ABCC5: variants seen among roughly 807,000 people sequenced by gnomAD.
ABCC5 encodes ATP-binding cassette sub-family C member 5.
A neutral mutation model predicts 160.9 loss-of-function variants in ABCC5; 61 were observed. The observed-to-expected ratio is 0.38, with a 90% CI of 0.31 to 0.47. The LOEUF (loss-of-function observed/expected upper bound fraction) is 0.47, where lower values mean the gene tolerates loss of function less well. Among genes scored for constraint, ABCC5 ranks in the 20% least tolerant of loss-of-function variants. ABCC5 has a pLI of 0.99. For synonymous variants in ABCC5, 666 were observed against 700.6 expected (o/e 0.95, Z 0.78); for missense variants, 1,308 against 1,813.3 (o/e 0.72, Z 5.06).
intron 25 of ABCC5, among the ~76,000 whole-genome samples, chr3:183,939,234 ACCAACCTGG>A (rs1274694204): frequency 5.3e-5 from 8 of 152,186 alleles, no homozygotes; most frequent in Non-Finnish European, 1.2e-4. Flanking sequence ...GGAGTTCGAG[ACCAACCTGG>A]CCAACATGGT....
chr3:184,010,608 C>CTGGA (rs1227444926), intron 2 of ABCC5: 2 of 152,984 alleles, frequency 1.3e-5, no homozygotes, highest in African/African-American at 4.8e-5. Context: ...GCTCCACAGC[C>CTGGA]TCCACCTTCT....
intron 10 of ABCC5, among the ~76,000 whole-genome samples, chr3:183,974,042 G>A (rs1358076225): frequency 6.6e-6 from 1 of 152,166 alleles, no homozygotes; most frequent in Non-Finnish European, 1.5e-5. Flanking sequence ...CGTGCTAAGA[G>A]GCAGAGAAGG....
intron 11 of ABCC5, 124 bp downstream of exon 11, chr3:183,971,439 C>G: frequency 1.2e-6 from 1 of 855,936 alleles, no homozygotes; most frequent in South Asian, 1.7e-5. Context: ...CTAATTTGCT[C>G]TTTAGTTCAA....
chr3:183,985,234 G>A, intron 5 of ABCC5: 1 of 1,343,964 alleles, frequency 7.4e-7, no homozygotes, highest in Non-Finnish European at 1.1e-6. Context: ...CAAACTGGAA[G>A]AAAACTTGAG....
intron 18 of ABCC5, among the ~76,000 whole-genome samples, 177 bp from the exon 19 acceptor site, chr3:183,952,180 T>C (rs1309961352): frequency 2.8e-5 from 4 of 143,784 alleles, no homozygotes; most frequent in Non-Finnish European, 6.0e-5. Flanking sequence ...AGTGTCTCAC[T>C]CTGTCACCCA....
rs2108822049 is a variant in ABCC5, at chr3:183,963,905, C to T, written c.2032-317G>A. Among the ~76,000 whole-genome samples, 1 of 152,274 alleles carries T rather than the reference C, an allele frequency of 6.6e-6. No individual in the cohort carries two copies. The highest frequency in any genetic ancestry group is 2.1e-4 in the South Asian group (1 of 4,824). On this transcript the variant is annotated intron_variant, in intron 14 of 29. Coordinates refer to ENST00000334444, the MANE Select transcript of ABCC5 (RefSeq NM_005688.4). The surrounding 1 kb of genome is among the most constrained non-coding windows in gnomAD (Gnocchi z 4.6). ...ATGGCAGGAAGATCTTTCCAGAACA[C>T]AAAGCTGACCATCTCCCACCCTTGC... is the stretch of plus-strand genomic sequence containing the variant.
chr3:183,984,869 C>G (rs1560033569), intron 5 of ABCC5: 3 of 1,583,582 alleles, frequency 1.9e-6, no homozygotes, highest in Non-Finnish European at 2.6e-6. Context: ...CACCTCGGCA[C>G]TGATGGAGCA....
At chr3:183,996,699 AC>A (rs1449337139) in intron 2 of ABCC5, among the ~76,000 whole-genome samples, 2 of 152,008 alleles carry the variant, frequency 1.3e-5, no homozygotes, top group Non-Finnish European at 2.9e-5. Context: ...ATCCTAACAA[AC>A]CCCCATAAAA....
intron 26 of ABCC5, 93 bp downstream of exon 26, chr3:183,937,808 T>C (rs2108775283): frequency 7.2e-7 from 1 of 1,395,662 alleles, no homozygotes; most frequent in Non-Finnish European, 9.9e-7. Flanking sequence ...GGTGAGCTCA[T>C]GGTCCCAGGG....
rs532592867 is a variant in ABCC5, at chr3:183,973,277, T to C, written c.1405-1358A>G. Among the ~76,000 whole-genome samples, 25 of 151,616 alleles carry C rather than the reference T, an allele frequency of 1.6e-4. No homozygotes were observed. In the East Asian group the frequency reaches 4.5e-3, roughly 27 times the overall value. ...CACTATATTAGCCAGGATGTCTAGA[T>C]CTCCTGACCTCGTGATCCACCCGCC... On this transcript the variant is annotated intron_variant, in intron 10 of 29. Coordinates refer to ENST00000334444, the MANE Select transcript of ABCC5 (RefSeq NM_005688.4).
chr3:183,923,884 A>G (rs1712249793), intron 29 of ABCC5, among the ~76,000 whole-genome samples: 1 of 151,838 alleles, frequency 6.6e-6, no homozygotes, highest in African/African-American at 2.4e-5. Flanking sequence ...AACCTGCGCT[A>G]TTTAACCTTT....
intron 2 of ABCC5, chr3:184,000,555 AAATTAAAT>A (rs1207508314): frequency 6.6e-6 from 1 of 152,226 alleles, no homozygotes; most frequent in East Asian, 1.9e-4. Context: ...CGAGAAATAC[AAATTAAAT>A]TTAAGATACA....
At chr3:183,945,770 G>A (rs1018446302) in intron 24 of ABCC5, 80 bp downstream of exon 24, 5 of 1,117,536 alleles carry the variant, frequency 4.5e-6, no homozygotes, top group East Asian at 2.4e-5. Flanking sequence ...CCTCCTCCTT[G>A]TACACCCAGC....
intron 10 of ABCC5, among the ~76,000 whole-genome samples, chr3:183,974,916 C>T (rs1053227385): frequency 3.3e-5 from 5 of 152,184 alleles, no homozygotes; most frequent in African/African-American, 1.2e-4. Context: ...ACTTGCAAAT[C>T]TGTCAGATCT....
chr3:183,964,098 A>G (rs1433762130), intron 14 of ABCC5, among the ~76,000 whole-genome samples: 1 of 152,210 alleles, frequency 6.6e-6, no homozygotes, highest in Admixed American at 6.5e-5. Context: ...TACTATGAAC[A>G]TGACAATGTC....
rs533236727 is a variant in ABCC5, at chr3:183,993,650, G to A, written c.130-4267C>T. 8.5e-5 allele frequency among the ~76,000 whole-genome samples: 13 copies of A among 152,200 alleles called. No homozygotes were observed. The East Asian group carries it at 1.9e-3, about 23-fold the overall frequency. On this transcript the variant is annotated intron_variant, in intron 2 of 29. Coordinates refer to ENST00000334444, the MANE Select transcript of ABCC5 (RefSeq NM_005688.4). ...TATCATTACATGCATGCACCCCACT[G>A]CAGATTAATCACTTTCAATGGAAAG...
chr3:183,991,726 T>TA (rs1719784236), intron 2 of ABCC5, among the ~76,000 whole-genome samples: 1 of 152,200 alleles, frequency 6.6e-6, no homozygotes, highest in Non-Finnish European at 1.5e-5. Context: ...ATGAAGTCCT[T>TA]ATGTATAAGG....
chr3:183,927,381 C>A lies in ABCC5; in HGVS notation c.3996G>T (p.Val1332=), dbSNP rs1313697284. Residue 1332 remains valine (V), a synonymous_variant, in exon 28 of 30, where the codon GTG becomes GTT. Coordinates refer to ENST00000334444, the MANE Select transcript of ABCC5 (RefSeq NM_005688.4). ...CTATGCACAAGAGCTGCCGTTCCCCCACTGAGAAGTTATCCCCATTCTCCA... is the reference window on the plus strand; with the variant it reads ...CTATGCACAAGAGCTGCCGTTCCCCAACTGAGAAGTTATCCCCATTCTCCA... The part of the protein sequence containing the change: ...EVMENGDNFS[V]GERQLLCIAR... 1 of 1,613,720 alleles carries A rather than the reference C, an allele frequency of 6.2e-7. No homozygotes were observed. The highest frequency in any genetic ancestry group is 1.3e-5 in the African/African-American group (1 of 74,920).
chr3:183,927,200 C>T (rs1392360452), intron 28 of ABCC5, 130 bp downstream of exon 28: 27 of 882,446 alleles, frequency 3.1e-5, no homozygotes, highest in Non-Finnish European at 4.6e-5. Context: ...TTAGAGTTAT[C>T]TCTGGTCATG....
Sources: gnomAD v4.1 joint callset for allele counts (sites outside exome capture counted in the v4.1 genomes callset) on GRCh38, gnomAD v4.1.1 for gene constraint, Gnocchi (gnomAD v3.1) non-coding constraint, MANE v1.5 for transcripts, NCBI Gene and HGNC (gene_info 2026-07-23, HGNC 2026-07-21) for gene names.